The following NR1D1 variants were observed in gnomAD, a reference collection of about 807,000 sequenced individuals.
NR1D1 encodes the protein Rev-ErbAalpha.
A neutral mutation model predicts 51.1 loss-of-function variants in NR1D1; 17 were observed. That is an observed-to-expected ratio of 0.33 (90% CI 0.23 to 0.50). The LOEUF is 0.50. Among genes scored for constraint, NR1D1 ranks in the 20% least tolerant of loss-of-function variants. The pLI, the probability that NR1D1 is intolerant of heterozygous loss-of-function variation, is 0.98. For missense variants in NR1D1, 647 were observed against 830.4 expected, an observed-to-expected ratio of 0.78 and a Z score of 2.71; for synonymous variants, 341 against 333.4, an observed-to-expected ratio of 1.02 and a Z score of -0.25.
At chr17:40,098,248 C>A (rs753245380) in intron 1 of NR1D1, among the ~76,000 whole-genome samples, 21 of 152,194 alleles carry the variant, frequency 1.4e-4, no homozygotes, top group Non-Finnish European at 2.6e-4. Context: ...CCGGCAAGCA[C>A]CTAGATTGGT....
chr17:40,099,119 T>C (rs1987823552), intron 1 of NR1D1, among the ~76,000 whole-genome samples: 1 of 151,834 alleles, frequency 6.6e-6, no homozygotes, highest in South Asian at 2.1e-4. Context: ...AGCTGGGCCC[T>C]CAGCCGGCCT....
In NR1D1 at chr17:40,095,910, G is replaced by C; in HGVS notation, c.782C>G (p.Ser261Ter). 1 of 1,612,298 alleles carries C rather than the reference G, an allele frequency of 6.2e-7. No individual in the cohort carries two copies. Among genetic ancestry groups the C allele is most frequent in the Non-Finnish European group, 8.5e-7 (1 of 1,179,418 alleles). The change falls in exon 5 of 8, where the codon TCA (serine) becomes TGA (stop). Residue 261 changes from serine to a stop codon, truncating the protein, a stop_gained. Transcript: ENST00000246672. LOFTEE classifies it high-confidence loss of function. ...GPSPPPAPVPSPLVGFSQFPQ... is the reference protein window; with the variant it reads ...GPSPPPAPVP Reference sequence around the variant, plus strand: ...AAACTGGGAGAAGCCCACCAGGGGTGAGGGGACCGGAGCAGGGGGTGGCGA... The same window carrying C: ...AAACTGGGAGAAGCCCACCAGGGGTCAGGGGACCGGAGCAGGGGGTGGCGA...
In NR1D1 at chr17:40,095,325, C is replaced by T. The variant is rs1987730004; in HGVS notation, c.1248+119G>A. 3 of 1,329,012 alleles carry T rather than the reference C, an allele frequency of 2.3e-6. No homozygotes were observed. In the South Asian group the frequency reaches 4.5e-5, roughly 20 times the overall value. The allele number at this position is 1,329,012 out of a possible 1,614,324, so 82.3% of individuals were successfully genotyped here. A position where few individuals can be genotyped will look rare whatever the true frequency, so the allele number is the denominator to read the frequency against. On this transcript the variant is annotated intron_variant, in intron 5 of 7. Coordinates refer to ENST00000246672, the MANE Select transcript of NR1D1 (RefSeq NM_021724.5). Reference sequence around the variant, plus strand: ...CAGACTGCAAGGCAAGACATTTTCTCCTGGGAAGATGCTATCCCCACACTC... The same window carrying T: ...CAGACTGCAAGGCAAGACATTTTCTTCTGGGAAGATGCTATCCCCACACTC...
rs1020956844 is a variant in NR1D1, at chr17:40,093,646, A to T, written c.1645+266T>A. ...ATCTTACTTGTCCTTTGAGGCCCCA[A>T]CTCAAGTGTCACCTCCTTCCCCAGC... On this transcript the variant is annotated intron_variant, in intron 7 of 7. Coordinates refer to ENST00000246672, the MANE Select transcript of NR1D1 (RefSeq NM_021724.5). The surrounding 1 kb of genome is among the most constrained non-coding windows in gnomAD (Gnocchi z 5.9). The T allele has an allele frequency of 1.5e-6, 1 of 657,712 alleles. No individual in the cohort carries two copies. The highest frequency in any genetic ancestry group is 1.8e-5 in the African/African-American group (1 of 54,786). The allele number at this position is 657,712 out of a possible 1,614,324, so 40.7% of individuals were successfully genotyped here.
rs201361761 is a variant in NR1D1 at position 40,100,464 on chromosome 17, A to G, written c.-370T>C. 1.9e-5 allele frequency: 9 copies of G among 465,946 alleles called. No homozygotes were observed. Among genetic ancestry groups the G allele is most frequent in the Non-Finnish European group, 3.0e-5 (8 of 263,206 alleles). 28.9% of individuals were successfully genotyped at this position (465,946 alleles called of 1,614,324 possible). On this transcript the variant is annotated 5_prime_UTR_variant, in exon 1 of 8. Transcript: ENST00000246672. ...TGGCGAATCTGGAGCTCCCGGTGCA[A>G]AAGTCCCAGAGGAAGAGAGGTTGCA...
chr17:40,096,543 C>G lies in NR1D1; in HGVS notation c.504G>C (p.Arg168Ser), dbSNP rs774568974. The G allele has an allele frequency of 6.2e-7, 1 of 1,614,208 alleles. No individual in the cohort carries two copies. Among genetic ancestry groups the G allele is most frequent in the Non-Finnish European group, 8.5e-7 (1 of 1,180,046 alleles). Residue 168 changes from arginine to serine, a missense_variant, in exon 4 of 8, where the codon AGG (arginine) becomes AGC (serine). Coordinates refer to ENST00000246672, the MANE Select transcript of NR1D1 (RefSeq NM_021724.5). ...RSIQQNIQYKRCLKNENCSIV... is the reference protein window; with the variant it reads ...RSIQQNIQYKSCLKNENCSIV... ...TGGAGCAATTCTCATTCTTCAGACA[C>G]CTTTTGTACTGGATGTTCTGCTGGA... is the stretch of plus-strand genomic sequence containing the variant.
intron 4 of NR1D1, 56 bp from the exon 5 acceptor site, chr17:40,096,143 C>T: frequency 6.4e-7 from 1 of 1,570,114 alleles, no homozygotes; most frequent in Non-Finnish European, 8.6e-7. Flanking sequence ...ACGTGCTTCT[C>T]TTCCTTCCTT....
intron 5 of NR1D1, 150 bp downstream of exon 5, chr17:40,095,294 A>C: frequency 1.7e-6 from 2 of 1,180,690 alleles, no homozygotes; most frequent in Non-Finnish European, 2.3e-6. Flanking sequence ...ATTCCCAGGC[A>C]GAGTCCAGAC....
chr17:40,099,499 C>G (rs533670313), intron 1 of NR1D1, among the ~76,000 whole-genome samples: 92 of 152,080 alleles, frequency 6.0e-4, no homozygotes, highest in African/African-American at 2.0e-3. Flanking sequence ...CTGTAGGTGC[C>G]CTCCCTCGGG....
In NR1D1 at chr17:40,097,238, C is replaced by G. The variant is rs771918503; in HGVS notation, c.197G>C (p.Arg66Pro). 3 of 1,610,512 alleles carry G rather than the reference C, an allele frequency of 1.9e-6. No individual in the cohort carries two copies. In the East Asian group the frequency reaches 6.7e-5, roughly 36 times the overall value. ...PTGSLTQDPARSFGSIPPSLS... is the reference protein window; with the variant it reads ...PTGSLTQDPAPSFGSIPPSLS... ...GCTGGGTGGAATGCTCCCAAAGGAG[C>G]GAGCCGGGTCTTGGGTGAGGGAGCC... The change falls in exon 2 of 8, where the codon CGC (arginine) becomes CCC (proline). Residue 66 changes from arginine to proline, a missense_variant. Physicochemically the swap from Arg to Pro is moderately radical, Grantham distance 103. Coordinates refer to ENST00000246672, the MANE Select transcript of NR1D1 (RefSeq NM_021724.5).
chr17:40,095,393 G>T (rs764358657), intron 5 of NR1D1, 51 bp downstream of exon 5: 1 of 1,508,968 alleles, frequency 6.6e-7, no homozygotes, highest in Admixed American at 2.3e-5. Context: ...AGTCCATTCT[G>T]CCAGGCCCCC....
intron 4 of NR1D1, 26 bp from the exon 5 acceptor site, chr17:40,096,113 G>C: frequency 6.2e-7 from 1 of 1,605,844 alleles, no homozygotes. Context: ...AACAGCATCA[G>C]GAAGTTCTCA....
intron 1 of NR1D1, among the ~76,000 whole-genome samples, chr17:40,099,411 G>A (rs1987831623): frequency 6.6e-6 from 1 of 152,210 alleles, no homozygotes; most frequent in Non-Finnish European, 1.5e-5. Flanking sequence ...TGGCAGCCAC[G>A]GCTTCTGCTG....
chr17:40,093,681 C>G lies in NR1D1; in HGVS notation c.1645+231G>C. On this transcript the variant is annotated intron_variant, in intron 7 of 7. Transcript: ENST00000246672. The surrounding 1 kb of genome is among the most constrained non-coding windows in gnomAD (Gnocchi z 5.9). ...CACCTCCTTCCCCAGCTCCCCCAGG[C>G]AGAAATAGTTGTCTGTGCTTCCTTG... is the stretch of plus-strand genomic sequence containing the variant. 1.6e-6 allele frequency: 1 copy of G among 634,446 alleles called. No individual in the cohort carries two copies. The highest frequency in any genetic ancestry group is 2.7e-6 in the Non-Finnish European group (1 of 369,122). The allele number at this position is 634,446 out of a possible 1,614,324, so 39.3% of individuals were successfully genotyped here. A position where few individuals can be genotyped will look rare whatever the true frequency, so the allele number is the denominator to read the frequency against.
chr17:40,100,334 A>G lies in NR1D1; in HGVS notation c.-240T>C, dbSNP rs1987853435. The G allele has an allele frequency of 1.6e-6, 1 of 608,366 alleles. No homozygotes were observed. The highest frequency in any genetic ancestry group is 2.9e-6 in the Non-Finnish European group (1 of 340,870). 37.7% of individuals were successfully genotyped at this position (608,366 alleles called of 1,614,324 possible). A position where few individuals can be genotyped will look rare whatever the true frequency, so the allele number is the denominator to read the frequency against. ...CATGGGAAGAGCAGAGAGAGTGTGT[A>G]GGGGGAATCAGCCTGCAGTAGTTCT... On this transcript the variant is annotated 5_prime_UTR_variant, in exon 1 of 8. Transcript: ENST00000246672.
intron 1 of NR1D1, among the ~76,000 whole-genome samples, chr17:40,099,655 T>C (rs1399641608): frequency 6.6e-6 from 1 of 151,924 alleles, no homozygotes; most frequent in African/African-American, 2.4e-5. Flanking sequence ...CTGCAGGAAC[T>C]AGAGGAGGGG....
chr17:40,096,164 G>A, intron 4 of NR1D1, 77 bp from the exon 5 acceptor site: 6 of 1,553,542 alleles, frequency 3.9e-6, no homozygotes, highest in South Asian at 1.2e-5. Flanking sequence ...CCTCCTGAAA[G>A]GGCAAGGCCC....
intron 1 of NR1D1, 74 bp from the exon 2 acceptor site, chr17:40,097,477 C>A: frequency 2.4e-6 from 3 of 1,243,280 alleles, no homozygotes; most frequent in South Asian, 1.3e-5. Context: ...GTGCTCATCC[C>A]CACCTGTCTG....
Position 40,100,245 on chromosome 17 carries a change from TTGGGG to T in NR1D1, c.-156_-152del. 1.4e-6 allele frequency: 1 copy of T among 696,566 alleles called. No individual in the cohort carries two copies. Among genetic ancestry groups the T allele is most frequent in the South Asian group, 1.5e-5 (1 of 65,372 alleles). The allele number at this position is 696,566 out of a possible 1,614,324, so 43.1% of individuals were successfully genotyped here. On this transcript the variant is annotated 5_prime_UTR_variant, in exon 1 of 8. An upstream open reading frame in the 5' UTR gains an earlier in-frame stop. Transcript: ENST00000246672. Reference sequence around the variant, plus strand: ...ATCCGAAGCACCCTGCAGCAAGGTCTTGGGGTGGCCGGACTGCAGCCCTGCAGAAG... The same window carrying T: ...ATCCGAAGCACCCTGCAGCAAGGTCTTGGCCGGACTGCAGCCCTGCAGAAG...
Sources: allele counts gnomAD v4.1 joint callset (sites outside exome capture counted in the v4.1 genomes callset), GRCh38; gene constraint gnomAD v4.1.1; non-coding constraint Gnocchi (gnomAD v3.1); transcripts MANE v1.5; gene names NCBI Gene and HGNC (gene_info 2026-07-23, HGNC 2026-07-21).